Variants in MMP26 observed in about 807,000 individuals in gnomAD.
MMP26 encodes matrix metalloproteinase-26.
Under a neutral mutation model 31.0 loss-of-function variants are expected in MMP26, and 33 were observed. The ratio of observed to expected loss-of-function variants is 1.06; its 90% CI spans 0.81 to 1.42. The LOEUF is 1.42. Ranked by LOEUF, MMP26 falls within the 40% of genes most tolerant of loss-of-function variation. The pLI is 0.00. For missense variants in MMP26, 347 were observed against 316.1 expected (o/e 1.10, Z -0.74); for synonymous variants, 122 against 114.9 (o/e 1.06, Z -0.40).
chr11:4,709,876 T>C (rs1847835920), intron 1 of MMP26: 3 of 456,900 alleles, frequency 6.6e-6, no homozygotes, highest in South Asian at 1.5e-5. Flanking sequence ...ATTGGCCAAA[T>C]GTTCTTTATC....
chr11:4,933,690 A>G (rs1327800497), intron 2 of MMP26, among the ~76,000 whole-genome samples: 3 of 151,130 alleles, frequency 2.0e-5, no homozygotes, highest in Non-Finnish European at 3.0e-5. Context: ...GTCATCTAGC[A>G]TTAGGTATAT....
chr11:4,898,131 T>G (rs1017460330), intron 2 of MMP26, among the ~76,000 whole-genome samples: 3 of 151,754 alleles, frequency 2.0e-5, no homozygotes, highest in Admixed American at 2.0e-4. Context: ...TTCTTAGGCT[T>G]TGTCTCTCTG....
At chr11:4,861,768 T>G (rs775309943) in intron 2 of MMP26, among the ~76,000 whole-genome samples, 17 of 152,074 alleles carry the variant, frequency 1.1e-4, no homozygotes, top group Admixed American at 5.9e-4. Flanking sequence ...TACCCATGAG[T>G]GCCGCCTTCT....
chr11:4,730,404 A>AAG (rs59289871), intron 1 of MMP26, among the ~76,000 whole-genome samples: 23,366 of 144,960 alleles, frequency 0.16, 2,069 homozygotes, highest in South Asian at 0.21. Flanking sequence ...GTTTCTGGGA[A>AAG]AGAGAGAGAG....
intron 1 of MMP26, among the ~76,000 whole-genome samples, chr11:4,751,842 T>C (rs375812027): frequency 6.6e-6 from 1 of 152,252 alleles, no homozygotes; most frequent in East Asian, 1.9e-4. Context: ...ACTAAGATAG[T>C]GAGAATCTGA....
chr11:4,897,385 G>T (rs753787342), intron 2 of MMP26, among the ~76,000 whole-genome samples: 17 of 151,712 alleles, frequency 1.1e-4, no homozygotes, highest in Non-Finnish European at 1.9e-4. Flanking sequence ...TGATTTGCCC[G>T]CCTCAGTCTC....
chr11:4,906,523 AC>A (rs1267700527), intron 2 of MMP26, among the ~76,000 whole-genome samples: 1 of 152,176 alleles, frequency 6.6e-6, no homozygotes, highest in East Asian at 1.9e-4. Flanking sequence ...ATAAGTACCT[AC>A]CTCATAAGTA....
At chr11:4,805,491 CA>C (rs199582420) in intron 2 of MMP26, among the ~76,000 whole-genome samples, 1,590 of 152,192 alleles carry the variant, frequency 0.01, 12 homozygotes, top group Non-Finnish European at 0.017. Flanking sequence ...CCTTTGTTTA[CA>C]AAAATGGGTT....
chr11:4,902,683 G>A (rs941240443), intron 2 of MMP26, among the ~76,000 whole-genome samples: 19 of 152,142 alleles, frequency 1.2e-4, no homozygotes, highest in African/African-American at 3.9e-4. Flanking sequence ...TAATAAGGTG[G>A]GTATCAAATG....
At position 4,863,623 on chromosome 11, in the gene MMP26, C is replaced by G. The variant is rs1028635394; in HGVS notation, c.-145+96282C>G. On this transcript the variant is annotated intron_variant, in intron 2 of 7. Transcript: ENST00000380390. ...TTAAGATATTTATTACCTTCATCAA[C>G]CTGGTGCTATGGTTCAGAATTAATT... The G allele has an allele frequency of 2.2e-4, 33 of 152,142 alleles. 1 individual carries two copies. Among genetic ancestry groups the G allele is most frequent in the African/African-American group, 7.7e-4 (32 of 41,436 alleles). The allele number at this position is 152,142 out of a possible 1,614,324, so 9.4% of individuals were successfully genotyped here. A position where few individuals can be genotyped will look rare whatever the true frequency, so the allele number is the denominator to read the frequency against.
At chr11:4,976,508 T>G (rs1389552219) in intron 2 of MMP26, among the ~76,000 whole-genome samples, 4 of 152,048 alleles carry the variant, frequency 2.6e-5, no homozygotes, top group African/African-American at 9.7e-5. Flanking sequence ...AAGATCATGC[T>G]TAGTCCATAC....
chr11:4,964,325 A>C (rs11034928), intron 2 of MMP26, among the ~76,000 whole-genome samples: 37 of 152,156 alleles, frequency 2.4e-4, no homozygotes, highest in African/African-American at 8.2e-4. Context: ...AATTTTCTGC[A>C]TAATGGCTAG....
rs112718854 is a variant in MMP26, at chr11:4,811,257, C to T, written c.-145+43916C>T. On this transcript the variant is annotated intron_variant, in intron 2 of 7. Transcript: ENST00000380390. ...GTACCTATGCCAGTTTGTTACAGGG[C>T]AAATTGCATGTCACAGGGGTTTGGT... Among the ~76,000 whole-genome samples, 651 of 152,236 alleles carry T rather than the reference C, an allele frequency of 4.3e-3. 8 individuals carry two copies. Among genetic ancestry groups the T allele is most frequent in the African/African-American group, 0.015 (609 of 41,544 alleles).
chr11:4,775,024 A>G (rs1848773195), intron 2 of MMP26, among the ~76,000 whole-genome samples: 1 of 152,088 alleles, frequency 6.6e-6, no homozygotes, highest in Non-Finnish European at 1.5e-5. Flanking sequence ...TGTTTTGGTT[A>G]TTGCAGCCTT....
intron 2 of MMP26, chr11:4,860,144 C>T (rs774389435): frequency 2.1e-4 from 101 of 470,942 alleles, no homozygotes; most frequent in Non-Finnish European, 3.9e-4. Context: ...CGAATAACAT[C>T]GTGAGTGAGG....
intron 2 of MMP26, among the ~76,000 whole-genome samples, chr11:4,894,828 C>T (rs1324849279): frequency 6.6e-6 from 1 of 152,148 alleles, no homozygotes; most frequent in Non-Finnish European, 1.5e-5. Flanking sequence ...ATTTGCTAGA[C>T]TAGAGTTTTT....
At chr11:4,756,419 C>T (rs910747254) in intron 1 of MMP26, among the ~76,000 whole-genome samples, 9 of 151,588 alleles carry the variant, frequency 5.9e-5, no homozygotes, top group Non-Finnish European at 1.0e-4. Flanking sequence ...GATGAAAGGG[C>T]TCATTGTATT....
chr11:4,963,998 C>A (rs540895128), intron 2 of MMP26, among the ~76,000 whole-genome samples: 2 of 151,794 alleles, frequency 1.3e-5, no homozygotes, highest in Admixed American at 6.6e-5. Context: ...TTCCCATAGA[C>A]GCTGGATATT....
intron 1 of MMP26, among the ~76,000 whole-genome samples, chr11:4,747,692 C>T (rs1354588161): frequency 6.6e-6 from 1 of 151,980 alleles, no homozygotes; most frequent in African/African-American, 2.4e-5. Flanking sequence ...TCTAAGGAAA[C>T]TGATTTAGGC....
Sources: allele counts gnomAD v4.1 joint callset (sites outside exome capture counted in the v4.1 genomes callset), GRCh38; gene constraint gnomAD v4.1.1; transcripts MANE v1.5; gene names NCBI Gene and HGNC (gene_info 2026-07-23, HGNC 2026-07-21).